Variants in GBE1 observed in about 807,000 individuals in gnomAD.
GBE1 encodes 1,4-alpha-glucan branching enzyme 1, also known as 1,4-alpha-glucan-branching enzyme.
In GBE1, 70 loss-of-function variants were observed where a neutral mutation model predicts 88.8. The observed-to-expected ratio is 0.79, with a 90% confidence interval of 0.65 to 0.96. The LOEUF (loss-of-function observed/expected upper bound fraction) is 0.96, where lower values mean the gene tolerates loss of function less well. Ranked by LOEUF, GBE1 falls within the 40% of genes least tolerant of loss-of-function variation. The pLI, the probability that GBE1 is intolerant of heterozygous loss-of-function variation, is 0.00. For synonymous variants in GBE1, 284 were observed against 300.1 expected (o/e 0.95, Z 0.56); for missense variants, 872 against 871.0 (o/e 1.00, Z -0.01).
chr3:81,710,230 A>ATTTTTTTTTTTTTT (rs375326721), intron 1 of GBE1, among the ~76,000 whole-genome samples: 1 of 74,706 alleles, frequency 1.3e-5, no homozygotes, highest in African/African-American at 7.0e-5. Context: ...AAGGTAATTA[A>ATTTTTTTTTTTTTT]TCTTTTTTTT....
chr3:81,748,457 A>G lies in GBE1; in HGVS notation c.143+12918T>C, dbSNP rs368491803. ...AAACCCCGTCTCTACTAAAAATACA[A>G]AAAATTAGCCGGGTGTGGTGGCGGG... On this transcript the variant is annotated intron_variant, in intron 1 of 15. Transcript: ENST00000429644. Among the ~76,000 whole-genome samples, 215 of 151,792 alleles carry G rather than the reference A, an allele frequency of 1.4e-3. 1 individual carries two copies. In the Middle Eastern group the frequency reaches 0.031, roughly 22 times the overall value.
chr3:81,681,426 A>G (rs1705339993), intron 2 of GBE1, among the ~76,000 whole-genome samples: 1 of 152,192 alleles, frequency 6.6e-6, no homozygotes, highest in Non-Finnish European at 1.5e-5. Flanking sequence ...ACTCTCCTCT[A>G]TACCCTAAAA....
chr3:81,547,568 C>T (rs367780600), intron 12 of GBE1, among the ~76,000 whole-genome samples: 32 of 151,016 alleles, frequency 2.1e-4, no homozygotes, highest in East Asian at 5.8e-4. Flanking sequence ...CCCAGAAGCC[C>T]GGCATGCCAG....
At chr3:81,542,810 C>T (rs550140095) in intron 12 of GBE1, among the ~76,000 whole-genome samples, 89 of 152,052 alleles carry the variant, frequency 5.9e-4, no homozygotes, top group African/African-American at 2.0e-3. Flanking sequence ...GCAATATATC[C>T]ACATAACAAA....
intron 7 of GBE1, among the ~76,000 whole-genome samples, chr3:81,639,722 G>A (rs1256036871): frequency 6.6e-6 from 1 of 152,038 alleles, no homozygotes; most frequent in African/African-American, 2.4e-5. Context: ...TGGGACTATC[G>A]CTCTTGTGAG....
chr3:81,562,988 T>C (rs1333055634), intron 12 of GBE1, among the ~76,000 whole-genome samples: 3 of 151,880 alleles, frequency 2.0e-5, no homozygotes, highest in Non-Finnish European at 4.4e-5. Context: ...TATTGTCGAG[T>C]TGTTCAGGAG....
rs1263306725 is a variant in GBE1 at position 81,761,478 on chromosome 3, A to G, written c.40T>C (p.Tyr14His). Residue 14 changes from tyrosine to histidine, a missense_variant, in exon 1 of 16, where the codon TAC becomes CAC. Coordinates refer to ENST00000429644, the MANE Select transcript of GBE1 (RefSeq NM_000158.4). ...AGGGCGGCATTGAGCGCCGCCTCGT[A>G]GTCCTCGGGCCGAGCCGCGGGAGTC... is the stretch of plus-strand genomic sequence containing the variant. The part of the protein sequence containing the change: ...PMTPAARPED[Y>H]EAALNAALAD... 1.2e-6 allele frequency: 2 copies of G among 1,612,708 alleles called. No individual in the cohort carries two copies. Among genetic ancestry groups the G allele is most frequent in the South Asian group, 1.1e-5 (1 of 91,016 alleles).
intron 2 of GBE1, among the ~76,000 whole-genome samples, chr3:81,683,141 T>C (rs1705375614): frequency 6.6e-6 from 1 of 152,208 alleles, no homozygotes. Flanking sequence ...GCGTTGAAAA[T>C]GTTCTAAAAT....
At chr3:81,560,195 T>TA (rs995923740) in intron 12 of GBE1, among the ~76,000 whole-genome samples, 1 of 151,518 alleles carries the variant, frequency 6.6e-6, no homozygotes, top group Non-Finnish European at 1.5e-5. Flanking sequence ...TAAGCTGATC[T>TA]AAAAAAAAAT....
intron 7 of GBE1, chr3:81,612,847 T>C: frequency 2.4e-6 from 1 of 418,032 alleles, no homozygotes; most frequent in East Asian, 5.7e-5. Context: ...GTGGATGAGT[T>C]AGGAGAGTTC....
chr3:81,601,613 A>G (rs952088818), intron 7 of GBE1, among the ~76,000 whole-genome samples: 1 of 152,160 alleles, frequency 6.6e-6, no homozygotes, highest in Non-Finnish European at 1.5e-5. Context: ...AGTGCTTGGT[A>G]TACTGCCAAT....
chr3:81,699,793 C>T (rs188336445), intron 2 of GBE1, among the ~76,000 whole-genome samples: 213 of 152,304 alleles, frequency 1.4e-3, no homozygotes, highest in African/African-American at 4.8e-3. Flanking sequence ...TTTGGCAACA[C>T]CCACACAGAC....
chr3:81,613,102 C>A, intron 7 of GBE1: 3 of 552,128 alleles, frequency 5.4e-6, no homozygotes, highest in Admixed American at 6.0e-5. Flanking sequence ...GGATTCCGAC[C>A]TTCCTTTTTT....
chr3:81,682,483 T>C (rs892627026), intron 2 of GBE1, among the ~76,000 whole-genome samples: 1 of 151,276 alleles, frequency 6.6e-6, no homozygotes. Context: ...AATAAATAAA[T>C]AAAAATAAAA....
chr3:81,544,843 A>G (rs959572786), intron 12 of GBE1, among the ~76,000 whole-genome samples: 2 of 152,166 alleles, frequency 1.3e-5, no homozygotes, highest in Non-Finnish European at 2.9e-5. Context: ...AGGCAATATA[A>G]CTAATAAAAA....
intron 1 of GBE1, among the ~76,000 whole-genome samples, chr3:81,717,666 T>A (rs1576211477): frequency 6.6e-6 from 1 of 152,120 alleles, no homozygotes; most frequent in South Asian, 2.1e-4. Context: ...AAGATGAATA[T>A]CCAAAGTTTT....
At chr3:81,532,330 C>G (rs906370547) in intron 14 of GBE1, among the ~76,000 whole-genome samples, 1 of 152,000 alleles carries the variant, frequency 6.6e-6, no homozygotes, top group African/African-American at 2.4e-5. Context: ...ACTCCCGCAA[C>G]TGGCTGCCTC....
chr3:81,677,315 C>A (rs1705275190), intron 2 of GBE1, among the ~76,000 whole-genome samples: 2 of 152,120 alleles, frequency 1.3e-5, no homozygotes, highest in Admixed American at 1.3e-4. Context: ...GGCTAATATA[C>A]AAAGGCTAAT....
chr3:81,620,668 T>A (rs1292495396), intron 7 of GBE1, among the ~76,000 whole-genome samples: 1 of 151,722 alleles, frequency 6.6e-6, no homozygotes, highest in African/African-American at 2.4e-5. Context: ...TGGGGAGGGT[T>A]TTTATTTTGG....
Sources: gnomAD v4.1 joint callset for allele counts (sites outside exome capture counted in the v4.1 genomes callset) on GRCh38, gnomAD v4.1.1 for gene constraint, MANE v1.5 for transcripts, NCBI Gene and HGNC (gene_info 2026-07-23, HGNC 2026-07-21) for gene names.